The following MGAT4C variants were observed in gnomAD, a reference collection of about 807,000 sequenced individuals.
MGAT4C encodes alpha-1,3-mannosyl-glycoprotein 4-beta-N-acetylglucosaminyltransferase C.
In MGAT4C, 19 loss-of-function variants were observed where a neutral mutation model predicts 40.1. The ratio of observed to expected loss-of-function variants is 0.47; its 90% CI spans 0.33 to 0.70. The LOEUF (loss-of-function observed/expected upper bound fraction) is 0.70. MGAT4C is among the 30% of genes least tolerant of loss of function. The pLI is 0.02. For missense variants in MGAT4C, 491 were observed against 563.2 expected, an observed-to-expected ratio of 0.87 and a Z score of 1.30; for synonymous variants, 181 against 187.1, an observed-to-expected ratio of 0.97 and a Z score of 0.27.
chr12:86,544,319 A>G (rs1959182346), intron 2 of MGAT4C, among the ~76,000 whole-genome samples: 1 of 152,190 alleles, frequency 6.6e-6, no homozygotes, highest in Non-Finnish European at 1.5e-5. Flanking sequence ...GAAAACATAT[A>G]CAATTGCTCA....
chr12:86,337,994 T>G (rs1408487762), intron 3 of MGAT4C, among the ~76,000 whole-genome samples: 1 of 152,106 alleles, frequency 6.6e-6, no homozygotes, highest in Non-Finnish European at 1.5e-5. Context: ...AGCTTTCAGG[T>G]GCAATGTTAT....
At chr12:86,520,390 AG>A (rs1393542158) in intron 2 of MGAT4C, among the ~76,000 whole-genome samples, 2 of 152,152 alleles carry the variant, frequency 1.3e-5, no homozygotes, top group African/African-American at 2.4e-5. Flanking sequence ...GTTCTTGCAA[AG>A]GACACGATCT....
chr12:86,415,058 T>G (rs542938668), intron 3 of MGAT4C, among the ~76,000 whole-genome samples: 38 of 152,106 alleles, frequency 2.5e-4, no homozygotes, highest in Non-Finnish European at 3.8e-4. Flanking sequence ...TCCACCCCTA[T>G]TCTAGCAGCA....
At chr12:85,989,791 TACTG>T (rs1234331608) in intron 2 of MGAT4C, among the ~76,000 whole-genome samples, 2 of 152,068 alleles carry the variant, frequency 1.3e-5, no homozygotes, top group Non-Finnish European at 2.9e-5. Context: ...GTCTCATAGT[TACTG>T]ACGAAAAAAG....
At chr12:86,378,210 G>A (rs995907174) in intron 3 of MGAT4C, among the ~76,000 whole-genome samples, 14 of 151,994 alleles carry the variant, frequency 9.2e-5, no homozygotes, top group South Asian at 4.1e-4. Context: ...AATGATTTGG[G>A]GTATATACCC....
intron 2 of MGAT4C, among the ~76,000 whole-genome samples, chr12:86,559,100 A>ATTATC (rs1959748424): frequency 1.3e-5 from 2 of 151,946 alleles, no homozygotes; most frequent in African/African-American, 4.8e-5. Context: ...AAAGAAAAAG[A>ATTATC]TTATCATATA....
At chr12:86,243,765 G>C (rs567731960) in intron 1 of MGAT4C, among the ~76,000 whole-genome samples, 21 of 152,216 alleles carry the variant, frequency 1.4e-4, no homozygotes, top group African/African-American at 5.1e-4. Context: ...AGAAAAAAAG[G>C]TTAGTAGACA....
At chr12:86,658,691 T>C (rs2136544765) in intron 2 of MGAT4C, among the ~76,000 whole-genome samples, 1 of 152,244 alleles carries the variant, frequency 6.6e-6, no homozygotes, top group South Asian at 2.1e-4. Context: ...ACTGATCAAA[T>C]GTCATTTTTT....
At chr12:86,707,647 C>T (rs1437816123) in intron 2 of MGAT4C, among the ~76,000 whole-genome samples, 2 of 151,818 alleles carry the variant, frequency 1.3e-5, no homozygotes, top group South Asian at 2.1e-4. Context: ...TCTCCTGCCT[C>T]GGCCTCCCAA....
intron 4 of MGAT4C, among the ~76,000 whole-genome samples, chr12:86,291,031 T>C (rs1210527896): frequency 6.6e-6 from 1 of 152,164 alleles, no homozygotes; most frequent in Non-Finnish European, 1.5e-5. Context: ...CAGTGTATCA[T>C]ATTTGTGCCA....
At chr12:86,235,465 G>A (rs572125900) in intron 1 of MGAT4C, among the ~76,000 whole-genome samples, 7 of 152,060 alleles carry the variant, frequency 4.6e-5, no homozygotes, top group East Asian at 3.9e-4. Flanking sequence ...ATACTAAGGC[G>A]TTACAAGATT....
intron 4 of MGAT4C, among the ~76,000 whole-genome samples, chr12:86,283,491 T>C (rs1035817339): frequency 6.6e-6 from 1 of 152,118 alleles, no homozygotes; most frequent in East Asian, 1.9e-4. Flanking sequence ...AGACAGGACA[T>C]AAGAGAAGAA....
chr12:86,692,697 G>A (rs942071259), intron 2 of MGAT4C, among the ~76,000 whole-genome samples: 1 of 152,170 alleles, frequency 6.6e-6, no homozygotes, highest in East Asian at 1.9e-4. Context: ...TAATAGTGGT[G>A]TAAGGATTTT....
chr12:86,005,303 C>T (rs939625419), intron 2 of MGAT4C, among the ~76,000 whole-genome samples: 35 of 152,146 alleles, frequency 2.3e-4, no homozygotes, highest in African/African-American at 8.0e-4. Flanking sequence ...AATTTGTAAA[C>T]TATTGAGTAT....
chr12:86,601,481 C>T (rs144436094), intron 2 of MGAT4C, among the ~76,000 whole-genome samples: 168 of 152,180 alleles, frequency 1.1e-3, no homozygotes, highest in African/African-American at 3.3e-3. Context: ...CTGTGGATAG[C>T]GGTTACCTGT....
At chr12:86,426,850 G>A (rs1162364320) in intron 3 of MGAT4C, among the ~76,000 whole-genome samples, 1 of 152,190 alleles carries the variant, frequency 6.6e-6, no homozygotes, top group Non-Finnish European at 1.5e-5. Context: ...GGGAGGCTGA[G>A]GCAGGAGAAT....
intron 3 of MGAT4C, among the ~76,000 whole-genome samples, chr12:86,408,835 A>G (rs1397087977): frequency 6.6e-6 from 1 of 152,060 alleles, no homozygotes; most frequent in Non-Finnish European, 1.5e-5. Flanking sequence ...ATGTCCAGCT[A>G]TTCCCTTGTT....
chr12:86,336,380 C>A (rs78020128), intron 3 of MGAT4C, among the ~76,000 whole-genome samples: 4,592 of 152,236 alleles, frequency 0.03, 88 homozygotes, highest in Admixed American at 0.044. Flanking sequence ...ATCTTCCTTG[C>A]CTGTTTAACT....
At chr12:86,561,392 C>T (rs1959856960) in intron 2 of MGAT4C, among the ~76,000 whole-genome samples, 1 of 152,104 alleles carries the variant, frequency 6.6e-6, no homozygotes, top group African/African-American at 2.4e-5. Flanking sequence ...GGCAGACCCA[C>T]CCTCAGTCTA....
Sources: allele counts gnomAD v4.1 joint callset (sites outside exome capture counted in the v4.1 genomes callset), GRCh38; gene constraint gnomAD v4.1.1; transcripts MANE v1.5; gene names NCBI Gene and HGNC (gene_info 2026-07-23, HGNC 2026-07-21).